The following AHCYL2 variants were observed in gnomAD, a reference collection of about 807,000 sequenced individuals.
The protein encoded by AHCYL2 is S-adenosylhomocysteine hydrolase-like protein 2.
AHCYL2 carries 28 observed loss-of-function variants against 81.4 expected under a neutral mutation model. The ratio of observed to expected loss-of-function variants is 0.34; its 90% confidence interval spans 0.25 to 0.47. The LOEUF (loss-of-function observed/expected upper bound fraction) is 0.47, where lower values mean the gene tolerates loss of function less well. Among genes scored for constraint, AHCYL2 ranks in the 20% least tolerant of loss-of-function variants. The pLI is 1.00. For synonymous variants in AHCYL2, 272 were observed against 290.2 expected (o/e 0.94, Z 0.64); for missense variants, 551 against 785.1 (o/e 0.70, Z 3.56).
intron 1 of AHCYL2, among the ~76,000 whole-genome samples, chr7:129,378,495 C>G (rs1003738096): frequency 2.6e-5 from 4 of 151,958 alleles, no homozygotes; most frequent in African/African-American, 9.7e-5. Flanking sequence ...CTCATTGAAC[C>G]CTCTCTAAAA....
chr7:129,403,571 A>G, intron 7 of AHCYL2, 86 bp downstream of exon 7: 1 of 983,612 alleles, frequency 1.0e-6, no homozygotes, highest in Non-Finnish European at 1.4e-6. Context: ...CATGTTAAAA[A>G]TTGGAGCCTG....
At chr7:129,330,910 A>G (rs1002986502) in intron 1 of AHCYL2, among the ~76,000 whole-genome samples, 8 of 152,384 alleles carry the variant, frequency 5.2e-5, no homozygotes, top group African/African-American at 1.9e-4. Context: ...ATCGTTAGTC[A>G]TCATAAACAA....
At chr7:129,365,068 T>TAA (rs1794059017) in intron 1 of AHCYL2, among the ~76,000 whole-genome samples, 2 of 152,170 alleles carry the variant, frequency 1.3e-5, no homozygotes, top group Non-Finnish European at 2.9e-5. Context: ...TCGCAGGTAT[T>TAA]GTAGGCAAAT....
At chr7:129,356,997 C>T (rs1321293192) in intron 1 of AHCYL2, among the ~76,000 whole-genome samples, 1 of 152,164 alleles carries the variant, frequency 6.6e-6, no homozygotes, top group African/African-American at 2.4e-5. Flanking sequence ...CTACATTCTA[C>T]TAAAAATCAA....
At chr7:129,414,784 A>G (rs961674697) in intron 12 of AHCYL2, among the ~76,000 whole-genome samples, 1 of 152,098 alleles carries the variant, frequency 6.6e-6, no homozygotes, top group Admixed American at 6.5e-5. Context: ...CTCTGGTTTT[A>G]AATTTTTCTG....
chr7:129,362,910 G>T (rs929885489), intron 1 of AHCYL2, among the ~76,000 whole-genome samples: 6 of 151,972 alleles, frequency 3.9e-5, no homozygotes, highest in East Asian at 1.9e-4. Flanking sequence ...CTGCCTGGGG[G>T]TTTTTTTAGC....
chr7:129,234,620 A>G (rs181881776), intron 1 of AHCYL2, among the ~76,000 whole-genome samples: 4 of 152,034 alleles, frequency 2.6e-5, no homozygotes, highest in Non-Finnish European at 4.4e-5. Flanking sequence ...TGGCCTTTGA[A>G]AGTACTGGGA....
chr7:129,287,195 TAATAAG>T (rs1466287546), intron 1 of AHCYL2, among the ~76,000 whole-genome samples: 1 of 152,130 alleles, frequency 6.6e-6, no homozygotes, highest in Non-Finnish European at 1.5e-5. Context: ...ACTTATAAAA[TAATAAG>T]AGTAAAAAGA....
chr7:129,290,278 C>T (rs191959200), intron 1 of AHCYL2, among the ~76,000 whole-genome samples: 2,505 of 150,178 alleles, frequency 0.017, 36 homozygotes, highest in Non-Finnish European at 0.025. Flanking sequence ...CCAAGGCGGG[C>T]GGATCACGAG....
At chr7:129,244,628 G>A (rs1466570162) in intron 1 of AHCYL2, among the ~76,000 whole-genome samples, 1 of 152,084 alleles carries the variant, frequency 6.6e-6, no homozygotes, top group Non-Finnish European at 1.5e-5. Flanking sequence ...TTTTATGAGG[G>A]CACTAATCTC....
intron 1 of AHCYL2, among the ~76,000 whole-genome samples, chr7:129,272,956 C>G (rs1378072114): frequency 6.6e-6 from 1 of 152,100 alleles, no homozygotes; most frequent in Non-Finnish European, 1.5e-5. Flanking sequence ...GTCACTTAGG[C>G]TGGAGTGCAG....
chr7:129,395,247 C>G (rs1295117879), intron 4 of AHCYL2, among the ~76,000 whole-genome samples: 1 of 152,238 alleles, frequency 6.6e-6, no homozygotes, highest in African/African-American at 2.4e-5. Context: ...GAAGTGTCCT[C>G]TTTTCAAGTA....
At chr7:129,279,992 C>T (rs1434178725) in intron 1 of AHCYL2, among the ~76,000 whole-genome samples, 1 of 152,084 alleles carries the variant, frequency 6.6e-6, no homozygotes, top group East Asian at 1.9e-4. Flanking sequence ...CCTATCTCAT[C>T]CTGTGACTAA....
chr7:129,303,800 T>G (rs1268794268), intron 1 of AHCYL2, among the ~76,000 whole-genome samples: 2 of 152,104 alleles, frequency 1.3e-5, no homozygotes, highest in African/African-American at 4.8e-5. Flanking sequence ...AACTTCCCTC[T>G]TTGGCTGGGT....
chr7:129,272,433 A>G (rs1796052830), intron 1 of AHCYL2, among the ~76,000 whole-genome samples: 1 of 152,238 alleles, frequency 6.6e-6, no homozygotes, highest in African/African-American at 2.4e-5. Flanking sequence ...GGTAGTTTGT[A>G]GTGATAGATA....
intron 1 of AHCYL2, among the ~76,000 whole-genome samples, chr7:129,241,654 C>T (rs1404248925): frequency 1.3e-5 from 2 of 152,114 alleles, no homozygotes; most frequent in African/African-American, 4.8e-5. Flanking sequence ...GAAAAGTGTA[C>T]TCATTATCCA....
chr7:129,425,383 AT>A (rs373740634), intron 15 of AHCYL2, among the ~76,000 whole-genome samples: 10 of 150,310 alleles, frequency 6.7e-5, no homozygotes, highest in South Asian at 4.2e-4. Context: ...AATTTTAAGG[AT>A]TTTTTTTTTC....
intron 1 of AHCYL2, among the ~76,000 whole-genome samples, chr7:129,310,192 T>TA (rs1221657294): frequency 1.8e-4 from 28 of 151,934 alleles, no homozygotes; most frequent in Middle Eastern, 6.8e-3. Context: ...CATTCCCATT[T>TA]AAAAAAAAGA....
In AHCYL2 at chr7:129,427,585, A is replaced by T. The variant is rs1397883073; in HGVS notation, c.*540A>T. On this transcript the variant is annotated 3_prime_UTR_variant, in exon 17 of 17. Transcript: ENST00000325006. The surrounding 1 kb of genome is among the most constrained non-coding windows in gnomAD (Gnocchi z 5.5). Reference sequence around the variant, plus strand: ...GGCTAATAAGGAAGGAGTGTTATTTATGGCTTTGCCAAGCTACATCAAGAA... The same window carrying T: ...GGCTAATAAGGAAGGAGTGTTATTTTTGGCTTTGCCAAGCTACATCAAGAA... The T allele has an allele frequency of 6.5e-6, 1 of 152,870 alleles. No individual in the cohort carries two copies. The highest frequency in any genetic ancestry group is 1.5e-5 in the Non-Finnish European group (1 of 68,266). The allele number at this position is 152,870 out of a possible 1,614,324, so 9.5% of individuals were successfully genotyped here.
Sources: gnomAD v4.1 joint callset for allele counts (sites outside exome capture counted in the v4.1 genomes callset) on GRCh38, gnomAD v4.1.1 for gene constraint, Gnocchi (gnomAD v3.1) non-coding constraint, MANE v1.5 for transcripts, NCBI Gene and HGNC (gene_info 2026-07-23, HGNC 2026-07-21) for gene names.